The following PYHIN1 variants were observed in gnomAD, a reference collection of about 807,000 sequenced individuals.
The protein encoded by PYHIN1 is pyrin and HIN domain-containing protein 1.
Under a neutral mutation model 43.7 loss-of-function variants are expected in PYHIN1, and 32 were observed. That is an observed-to-expected ratio of 0.73 (90% confidence interval 0.55 to 0.98). The LOEUF is 0.98. Among genes scored for constraint, PYHIN1 ranks in the 50% least tolerant of loss-of-function variants. The probability of loss-of-function intolerance (pLI) is 0.00; values close to 1 mark genes in which losing one functional copy is unlikely to be tolerated. For synonymous variants in PYHIN1, 205 were observed against 203.1 expected (o/e 1.01, Z -0.08); for missense variants, 588 against 589.5 (o/e 1.00, Z 0.03).
In PYHIN1 at chr1:158,934,505, T is replaced by C. The variant is rs200750366; in HGVS notation, c.-20-2386T>C. 3.9e-5 allele frequency among the ~76,000 whole-genome samples: 6 copies of C among 152,298 alleles called. No homozygotes were observed. The East Asian group carries it at 5.8e-4, about 15-fold the overall frequency. ...GGATCTTTGCAGGTGATCTAAAGCCTTCATTCTCGGAGGCTTATGGAGTAT... is the reference window on the plus strand; with the variant it reads ...GGATCTTTGCAGGTGATCTAAAGCCCTCATTCTCGGAGGCTTATGGAGTAT... On this transcript the variant is annotated intron_variant, in intron 1 of 8. Coordinates refer to ENST00000368140, the MANE Select transcript of PYHIN1 (RefSeq NM_152501.5).
At chr1:158,965,032 G>A (rs1650552126) in intron 7 of PYHIN1, among the ~76,000 whole-genome samples, 1 of 149,964 alleles carries the variant, frequency 6.7e-6, no homozygotes, top group South Asian at 2.1e-4. Flanking sequence ...AAAATAAAAG[G>A]ACAAAGAAAA....
At chr1:158,987,251 C>T in the PYHIN1 span, among the ~76,000 whole-genome samples, 5 of 152,296 alleles carry the variant, frequency 3.3e-5, no homozygotes, top group African/African-American at 9.6e-5. Flanking sequence ...TTATTCTAGT[C>T]AGCCTAGTGG....
At chr1:158,952,709 C>A (rs575562145) in intron 7 of PYHIN1, among the ~76,000 whole-genome samples, 29 of 152,294 alleles carry the variant, frequency 1.9e-4, no homozygotes, top group African/African-American at 7.0e-4. Flanking sequence ...ACCCATTGCC[C>A]TTGAGCATAA....
At chr1:158,984,866 G>A in the PYHIN1 span, among the ~76,000 whole-genome samples, 1 of 151,996 alleles carries the variant, frequency 6.6e-6, no homozygotes, top group Non-Finnish European at 1.5e-5. Flanking sequence ...GGATAGTTAA[G>A]TCTTGTTTGT....
chr1:158,987,136 C>T, the PYHIN1 span, among the ~76,000 whole-genome samples: 1 of 152,108 alleles, frequency 6.6e-6, no homozygotes, highest in Admixed American at 6.5e-5. Flanking sequence ...GGGATATTGT[C>T]AGAAAGTCTT....
chr1:158,982,771 A>G, the PYHIN1 span, among the ~76,000 whole-genome samples: 1 of 152,284 alleles, frequency 6.6e-6, no homozygotes, highest in East Asian at 1.9e-4. Flanking sequence ...CCTATCCATG[A>G]GAATGAAATG....
intron 7 of PYHIN1, among the ~76,000 whole-genome samples, chr1:158,968,418 G>T (rs982328296): frequency 1.3e-5 from 2 of 152,034 alleles, no homozygotes; most frequent in Non-Finnish European, 2.9e-5. Context: ...CAATCAGAAT[G>T]ACTGTTATTA....
the PYHIN1 span, among the ~76,000 whole-genome samples, chr1:158,983,123 G>A: frequency 5.3e-5 from 8 of 151,116 alleles, no homozygotes; most frequent in South Asian, 4.3e-4. Flanking sequence ...CTATTTGGAC[G>A]TCTTTTATTT....
chr1:158,943,009 A>G (rs1649011011), intron 5 of PYHIN1, among the ~76,000 whole-genome samples: 1 of 152,216 alleles, frequency 6.6e-6, no homozygotes, highest in Admixed American at 6.5e-5. Context: ...ATGTCGCAAA[A>G]AAAGAGCAGA....
rs1322059186 is a variant in PYHIN1 at position 158,976,943 on chromosome 1, T to C, written c.*248T>C. ...CAGCTATTAATTCTAGGAAATGGAG[T>C]ATTAAGGGTGCATTTTATTTCATTA... On this transcript the variant is annotated 3_prime_UTR_variant, in exon 9 of 9. Coordinates refer to ENST00000368140, the MANE Select transcript of PYHIN1 (RefSeq NM_152501.5). 5 of 241,418 alleles carry C rather than the reference T, an allele frequency of 2.1e-5. No individual in the cohort carries two copies. Among genetic ancestry groups the C allele is most frequent in the Non-Finnish European group, 3.8e-5 (5 of 131,036 alleles). The allele number at this position is 241,418 out of a possible 1,614,324, so 15.0% of individuals were successfully genotyped here. A position where few individuals can be genotyped will look rare whatever the true frequency, so the allele number is the denominator to read the frequency against.
the PYHIN1 span, among the ~76,000 whole-genome samples, chr1:158,989,122 A>C: frequency 6.6e-6 from 1 of 152,204 alleles, no homozygotes. Context: ...CTGGCAGATC[A>C]TAGTATTTTA....
At chr1:158,970,155 G>A (rs1056818627) in intron 7 of PYHIN1, among the ~76,000 whole-genome samples, 1 of 151,888 alleles carries the variant, frequency 6.6e-6, no homozygotes, top group African/African-American at 2.4e-5. Context: ...TCATGATCAG[G>A]GATGCTATTA....
At chr1:158,958,663 G>A (rs942690140) in intron 7 of PYHIN1, among the ~76,000 whole-genome samples, 7 of 149,348 alleles carry the variant, frequency 4.7e-5, no homozygotes, top group South Asian at 2.1e-4. Context: ...GGTAGATGAC[G>A]AGTTAGTGGG....
the PYHIN1 span, among the ~76,000 whole-genome samples, chr1:158,983,677 G>A: frequency 9.1e-4 from 138 of 152,046 alleles, no homozygotes; most frequent in African/African-American, 3.0e-3. Flanking sequence ...CAGAGTCTCC[G>A]CTCCTCAATA....
chr1:158,977,901 T>G (rs1310823484), downstream of PYHIN1, among the ~76,000 whole-genome samples: 1 of 152,086 alleles, frequency 6.6e-6, no homozygotes, highest in Non-Finnish European at 1.5e-5. Context: ...AAACAATGAA[T>G]AAGACGGATT....
intron 6 of PYHIN1, among the ~76,000 whole-genome samples, chr1:158,944,257 C>G (rs558149507): frequency 1.3e-5 from 2 of 152,242 alleles, no homozygotes; most frequent in East Asian, 1.9e-4. Context: ...GTTATCAAAA[C>G]CAAGTTCTTT....
intron 1 of PYHIN1, among the ~76,000 whole-genome samples, chr1:158,934,503 C>A (rs1321211167): frequency 6.6e-6 from 1 of 151,762 alleles, no homozygotes; most frequent in East Asian, 1.9e-4. Context: ...TGATCTAAAG[C>A]CTTCATTCTC....
the PYHIN1 span, among the ~76,000 whole-genome samples, chr1:158,983,203 G>A: frequency 6.6e-6 from 1 of 152,106 alleles, no homozygotes; most frequent in African/African-American, 2.4e-5. Context: ...AGTGAGAGTA[G>A]GCAACTTTGT....
chr1:158,942,741 G>A (rs558719912), intron 5 of PYHIN1, among the ~76,000 whole-genome samples: 25 of 152,206 alleles, frequency 1.6e-4, no homozygotes, highest in African/African-American at 5.8e-4. Flanking sequence ...TTATTTCTTT[G>A]ATTATAATCT....
Sources: gnomAD v4.1 joint callset for allele counts (sites outside exome capture counted in the v4.1 genomes callset) on GRCh38, gnomAD v4.1.1 for gene constraint, MANE v1.5 for transcripts, NCBI Gene and HGNC (gene_info 2026-07-23, HGNC 2026-07-21) for gene names.